The following WDR93 variants were observed in gnomAD, a reference collection of about 807,000 sequenced individuals.
WDR93 encodes WD repeat-containing protein 93.
In WDR93, 73 loss-of-function variants were observed where a neutral mutation model predicts 82.9. The observed-to-expected ratio is 0.88, with a 90% CI of 0.73 to 1.07. WDR93 has a LOEUF of 1.07. Among genes scored for constraint, WDR93 ranks in the 50% least tolerant of loss-of-function variants. The pLI, the probability that WDR93 is intolerant of heterozygous loss-of-function variation, is 0.00. For missense variants in WDR93, 738 were observed against 826.0 expected (o/e 0.89, Z 1.31); for synonymous variants, 283 against 300.1 (o/e 0.94, Z 0.59).
At position 89,737,721 on chromosome 15, in the gene WDR93, T is replaced by C. The variant is rs1967318702; in HGVS notation, c.1757T>C (p.Leu586Pro). Reference protein sequence around the residue: ...FAVSPDHPCFLLRGDYSHETA... With the variant: ...FAVSPDHPCFPLRGDYSHETA... ...GTGTCTCCAGACCATCCATGTTTCC[T>C]GCTCCGAGGTACAGAAAGGGACCAG... is the stretch of plus-strand genomic sequence containing the variant. The change falls in exon 15 of 17, where the codon CTG (leucine) becomes CCG (proline). Residue 586 changes from leucine (L) to proline (P), a missense_variant. Coordinates refer to ENST00000268130, the MANE Select transcript of WDR93 (RefSeq NM_020212.2). The C allele has an allele frequency of 1.2e-6, 2 of 1,614,206 alleles. No homozygotes were observed. Among genetic ancestry groups the C allele is most frequent in the Non-Finnish European group, 8.5e-7 (1 of 1,180,038 alleles).
At chr15:89,738,956 AAC>A (rs1319306842) in intron 16 of WDR93, among the ~76,000 whole-genome samples, 1 of 151,982 alleles carries the variant, frequency 6.6e-6, no homozygotes, top group Non-Finnish European at 1.5e-5. Flanking sequence ...CTCTACAAAA[AAC>A]ACAAAATTAG....
intron 9 of WDR93, among the ~76,000 whole-genome samples, chr15:89,728,573 T>C (rs557872435): frequency 6.6e-6 from 1 of 152,314 alleles, no homozygotes; most frequent in Admixed American, 6.5e-5. Context: ...CTGTTAGTTG[T>C]CCATTGTGGG....
chr15:89,690,636 T>G (rs1186016226), upstream of WDR93: 10 of 1,550,766 alleles, frequency 6.4e-6, no homozygotes, highest in Non-Finnish European at 8.7e-6. Context: ...CGTCCATGGC[T>G]TCTAGCCCAA....
In WDR93 at chr15:89,731,642, G is replaced by T; in HGVS notation, c.1330+80G>T. ...TCTGGGAGCTCTGGAATTCCCACAG[G>T]CCCTGGGCCTTCTGTTACCTCTGTG... On this transcript the variant is annotated intron_variant, in intron 12 of 16. Coordinates refer to ENST00000268130, the MANE Select transcript of WDR93 (RefSeq NM_020212.2). 5 of 1,583,596 alleles carry T rather than the reference G, an allele frequency of 3.2e-6. No individual in the cohort carries two copies. The Middle Eastern group carries it at 7.1e-4, about 226-fold the overall frequency.
intron 16 of WDR93, 25 bp from the exon 17 acceptor site, chr15:89,743,267 C>G (rs755983928): frequency 4.2e-5 from 67 of 1,612,766 alleles, no homozygotes; most frequent in Non-Finnish European, 3.4e-6. Flanking sequence ...GGAGATTCCT[C>G]TCATCACAGT....
In WDR93 at chr15:89,701,732, G is replaced by T. The variant is rs1443437422; in HGVS notation, c.-15G>T. 4.4e-6 allele frequency: 7 copies of T among 1,602,144 alleles called. No individual in the cohort carries two copies. The South Asian group carries it at 6.6e-5, about 15-fold the overall frequency. On this transcript the variant is annotated 5_prime_UTR_variant, in exon 2 of 17. Coordinates refer to ENST00000268130, the MANE Select transcript of WDR93 (RefSeq NM_020212.2). ...CTTTTCAGTTTCATAGAGGTTCCCA[G>T]TGCCACCTTCTGTGATGTCATTCCC...
At chr15:89,743,221 G>A in intron 16 of WDR93, 71 bp from the exon 17 acceptor site, 1 of 1,504,918 alleles carries the variant, frequency 6.6e-7, no homozygotes, top group Non-Finnish European at 9.2e-7. Flanking sequence ...GGTAGTCGAG[G>A]TCTGCCCTGG....
chr15:89,719,318 T>G (rs1966411390), intron 7 of WDR93, among the ~76,000 whole-genome samples: 1 of 152,238 alleles, frequency 6.6e-6, no homozygotes, highest in Non-Finnish European at 1.5e-5. Flanking sequence ...CTTAAAATGT[T>G]AGGTAGACTT....
chr15:89,730,181 C>T (rs918493291), intron 11 of WDR93, among the ~76,000 whole-genome samples: 6 of 152,148 alleles, frequency 3.9e-5, no homozygotes, highest in Middle Eastern at 3.4e-3. Context: ...AAAAATTAGC[C>T]GGATATGGTG....
intron 8 of WDR93, among the ~76,000 whole-genome samples, chr15:89,724,982 A>T (rs1966676152): frequency 6.6e-6 from 1 of 152,280 alleles, no homozygotes; most frequent in Non-Finnish European, 1.5e-5. Context: ...GACCAACCAT[A>T]CCAGTTTGCC....
At chr15:89,731,738 T>C (rs1393855195) in intron 12 of WDR93, among the ~76,000 whole-genome samples, 176 bp downstream of exon 12, 5 of 152,210 alleles carry the variant, frequency 3.3e-5, no homozygotes, top group Admixed American at 1.3e-4. Context: ...ATTTATTGGA[T>C]ATAATATGTG....
intron 5 of WDR93, among the ~76,000 whole-genome samples, chr15:89,712,586 T>C (rs1375648793): frequency 2.6e-5 from 4 of 152,048 alleles, no homozygotes; most frequent in African/African-American, 9.7e-5. Flanking sequence ...TCTGATATTT[T>C]TCTCATAATT....
At chr15:89,713,345 A>ATT (rs1443721804) in intron 5 of WDR93, among the ~76,000 whole-genome samples, 1 of 152,102 alleles carries the variant, frequency 6.6e-6, no homozygotes, top group African/African-American at 2.4e-5. Context: ...AATAGAACAT[A>ATT]TTTTATTCAA....
intron 14 of WDR93, among the ~76,000 whole-genome samples, chr15:89,737,226 G>T (rs371972291): frequency 1.3e-5 from 2 of 152,218 alleles, no homozygotes; most frequent in African/African-American, 4.8e-5. Flanking sequence ...GAGGCAGTGG[G>T]AAGGAAAGGC....
At chr15:89,738,626 C>CAAAAAAAA (rs34617270) in intron 16 of WDR93, among the ~76,000 whole-genome samples, 28 of 81,456 alleles carry the variant, frequency 3.4e-4, no homozygotes, top group African/African-American at 1.2e-3. Context: ...GACTCTGTCC[C>CAAAAAAAA]AAAAAAAAAA....
At chr15:89,712,396 CTTTTTT>C (rs1170109589) in intron 5 of WDR93, among the ~76,000 whole-genome samples, 7 of 80,508 alleles carry the variant, frequency 8.7e-5, no homozygotes, top group African/African-American at 1.6e-4. Flanking sequence ...TTCCACTAAT[CTTTTTT>C]TTTTTTTTTT....
chr15:89,740,894 C>G (rs1461373895), intron 16 of WDR93, among the ~76,000 whole-genome samples: 1 of 151,698 alleles, frequency 6.6e-6, no homozygotes, highest in Non-Finnish European at 1.5e-5. Context: ...AATCCCAGCA[C>G]TTTGGGAGGC....
intron 12 of WDR93, among the ~76,000 whole-genome samples, chr15:89,732,125 G>A (rs188839565): frequency 5.3e-5 from 8 of 152,284 alleles, no homozygotes; most frequent in East Asian, 3.9e-4. Context: ...TCCTAAATTC[G>A]TCAGCCTCTA....
intron 16 of WDR93, among the ~76,000 whole-genome samples, chr15:89,738,553 G>GGAGGCA (rs376858691): frequency 5.3e-5 from 8 of 151,296 alleles, no homozygotes; most frequent in African/African-American, 1.9e-4. Context: ...CTTAAACCTG[G>GGAGGCA]GAGGCAGAGG....
Sources: allele counts gnomAD v4.1 joint callset (sites outside exome capture counted in the v4.1 genomes callset), GRCh38; gene constraint gnomAD v4.1.1; transcripts MANE v1.5; gene names NCBI Gene and HGNC (gene_info 2026-07-23, HGNC 2026-07-21).